Variants in GUCY2C observed in about 807,000 individuals in gnomAD.
GUCY2C encodes guanylyl cyclase C.
A neutral mutation model predicts 131.1 loss-of-function variants in GUCY2C; 118 were observed. That is an observed-to-expected ratio of 0.90 (90% CI 0.78 to 1.05). The LOEUF (loss-of-function observed/expected upper bound fraction) is 1.05. GUCY2C is among the 50% of genes least tolerant of loss of function. The pLI, the probability that GUCY2C is intolerant of heterozygous loss-of-function variation, is 0.00. For synonymous variants in GUCY2C, 452 were observed against 457.8 expected, an observed-to-expected ratio of 0.99 and a Z score of 0.16; for missense variants, 1,161 against 1,304.4, an observed-to-expected ratio of 0.89 and a Z score of 1.69.
intron 14 of GUCY2C, 53 bp downstream of exon 14, chr12:14,651,906 A>G: frequency 1.1e-6 from 1 of 949,882 alleles, no homozygotes; most frequent in Non-Finnish European, 1.7e-6. Flanking sequence ...CTCAGTGATT[A>G]GAGGAAATGA....
At chr12:14,692,274 A>G (rs1948588502) in intron 1 of GUCY2C, among the ~76,000 whole-genome samples, 1 of 152,256 alleles carries the variant, frequency 6.6e-6, no homozygotes. Context: ...AGAAGCCAAT[A>G]TGAGAATATA....
intron 1 of GUCY2C, among the ~76,000 whole-genome samples, chr12:14,690,264 A>T (rs1948551058): frequency 6.6e-6 from 1 of 152,202 alleles, no homozygotes; most frequent in Non-Finnish European, 1.5e-5. Flanking sequence ...TACTGACCAG[A>T]ACACCACTCC....
In GUCY2C at chr12:14,645,060, C is replaced by T. The variant is rs112670873; in HGVS notation, c.1797+169G>A. Among the ~76,000 whole-genome samples the T allele has an allele frequency of 6.4e-4, 98 of 152,218 alleles. 2 individuals are homozygous for T. Among genetic ancestry groups the T allele is most frequent in the African/African-American group, 2.3e-3 (94 of 41,542 alleles). On this transcript the variant is annotated intron_variant, in intron 16 of 26. Coordinates refer to ENST00000261170, the MANE Select transcript of GUCY2C (RefSeq NM_004963.4). ...CTTGTACCTGGTCTTGTTATAAGCA[C>T]GTGCATTATTTCACAAAATCCTCAT... is the stretch of plus-strand genomic sequence containing the variant.
intron 21 of GUCY2C, among the ~76,000 whole-genome samples, chr12:14,622,413 C>G (rs1029238210): frequency 1.3e-5 from 2 of 152,178 alleles, no homozygotes; most frequent in African/African-American, 4.8e-5. Flanking sequence ...CAGATGAATA[C>G]AAGCAGGTTC....
In GUCY2C at chr12:14,625,764, G is replaced by A; in HGVS notation, c.2401C>T (p.Leu801Phe). 1 of 1,613,762 alleles carries A rather than the reference G, an allele frequency of 6.2e-7. No homozygotes were observed. Among genetic ancestry groups the A allele is most frequent in the Non-Finnish European group, 8.5e-7 (1 of 1,179,790 alleles). Residue 801 changes from leucine to phenylalanine, a missense_variant, in exon 21 of 27, where the codon CTT becomes TTT. Physicochemically the swap from Leu to Phe is conservative, Grantham distance 22. Coordinates refer to ENST00000261170, the MANE Select transcript of GUCY2C (RefSeq NM_004963.4). ...DRADRLNFML[L>F]PRLVVKSLKE... is the part of the protein sequence containing the mutation. Reference sequence around the variant, plus strand: ...CAGCAAGGCTTGCCTTACCTTGGAAGCAACATAAAGTTAAGTCTGTCAGCC... The same window carrying A: ...CAGCAAGGCTTGCCTTACCTTGGAAACAACATAAAGTTAAGTCTGTCAGCC...
Position 14,619,249 on chromosome 12 carries a change from G to C in GUCY2C, c.2837C>G (p.Thr946Arg), listed in dbSNP as rs370411745. Residue 946 changes from threonine to arginine, a missense_variant, in exon 24 of 27, where the codon ACG becomes AGG. Transcript: ENST00000261170. The part of the protein sequence containing the change: ...KMPRYCLFGD[T>R]VNTASRMEST... ...TTCCATCCTAGAGGCTGTGTTGACC[G>C]TATCTCCAAATAGACAATAACGAGG... 6.2e-6 allele frequency: 10 copies of C among 1,611,528 alleles called. No individual in the cohort carries two copies. In the African/African-American group the frequency reaches 1.2e-4, roughly 19 times the overall value.
At chr12:14,678,441 C>G (rs1405592736) in intron 6 of GUCY2C, among the ~76,000 whole-genome samples, 1 of 152,198 alleles carries the variant, frequency 6.6e-6, no homozygotes, top group Non-Finnish European at 1.5e-5. Context: ...TTATACCAAC[C>G]TGGCTACAGT....
intron 19 of GUCY2C, among the ~76,000 whole-genome samples, chr12:14,631,590 A>G (rs888537071): frequency 6.6e-6 from 1 of 151,392 alleles, no homozygotes; most frequent in Non-Finnish European, 1.5e-5. Context: ...ATAGTATTCC[A>G]TGGTGTATAT....
At chr12:14,690,001 CA>C (rs1948546864) in intron 1 of GUCY2C, among the ~76,000 whole-genome samples, 1 of 152,178 alleles carries the variant, frequency 6.6e-6, no homozygotes, top group Admixed American at 6.5e-5. Context: ...TCTTAGTAGA[CA>C]GGGAAGGAGA....
At chr12:14,627,514 CT>C (rs1947047696) in intron 20 of GUCY2C, among the ~76,000 whole-genome samples, 1 of 152,170 alleles carries the variant, frequency 6.6e-6, no homozygotes, top group Non-Finnish European at 1.5e-5. Flanking sequence ...AGTTGCTCAC[CT>C]TTGACTGCAT....
chr12:14,663,503 G>A (rs1366026806), intron 10 of GUCY2C, among the ~76,000 whole-genome samples: 1 of 152,106 alleles, frequency 6.6e-6, no homozygotes, highest in Non-Finnish European at 1.5e-5. Context: ...GGCTGGTCTC[G>A]AACTCCTGAC....
At chr12:14,675,293 GT>G (rs1358138341) in intron 7 of GUCY2C, among the ~76,000 whole-genome samples, 30 of 148,298 alleles carry the variant, frequency 2.0e-4, no homozygotes, top group Non-Finnish European at 4.0e-4. Flanking sequence ...ATGATCCCAT[GT>G]CACAATTCTG....
chr12:14,664,431 C>T (rs1245012288), intron 10 of GUCY2C, among the ~76,000 whole-genome samples: 2 of 151,992 alleles, frequency 1.3e-5, no homozygotes, highest in Non-Finnish European at 2.9e-5. Flanking sequence ...ACTCCTCAGC[C>T]CACCTCAATT....
chr12:14,696,125 C>A, intron 1 of GUCY2C, 107 bp downstream of exon 1: 1 of 852,424 alleles, frequency 1.2e-6, no homozygotes, highest in Admixed American at 2.0e-5. Flanking sequence ...TAGGGACAGT[C>A]CTTAGAGAAA....
At position 14,674,694 on chromosome 12, in the gene GUCY2C, A is replaced by T. The variant is rs2137077229; in HGVS notation, c.1015T>A (p.Phe339Ile). The T allele has an allele frequency of 3.1e-6, 5 of 1,611,990 alleles. No individual in the cohort carries two copies. Among genetic ancestry groups the T allele is most frequent in the Non-Finnish European group, 4.2e-6 (5 of 1,178,208 alleles). The change falls in exon 8 of 27, where the codon TTT (phenylalanine) becomes ATT (isoleucine). Residue 339 changes from phenylalanine to isoleucine, a missense_variant. By Grantham distance (21) the Phe-to-Ile change is conservative. Coordinates refer to ENST00000261170, the MANE Select transcript of GUCY2C (RefSeq NM_004963.4). Reference sequence around the variant, plus strand: ...GTAATATTTTCTCCATTTTCAAGAAATATCTTCAGCATATGTCCAAAGAGC... The same window carrying T: ...GTAATATTTTCTCCATTTTCAAGAATTATCTTCAGCATATGTCCAAAGAGC... The part of the protein sequence containing the change: ...ILLFGHMLKI[F>I]LENGENITTP...
chr12:14,622,120 T>A lies in GUCY2C; in HGVS notation c.2486A>T (p.Asp829Val). The change falls in exon 22 of 27, where the codon GAC becomes GTC. Residue 829 changes from aspartate to valine, a missense_variant. Asp to Val is a radical substitution (Grantham distance 152). Coordinates refer to ENST00000261170, the MANE Select transcript of GUCY2C (RefSeq NM_004963.4). Reference sequence around the variant, plus strand: ...GCAGATAGTAGTGAAACCTACAATGTCACTGAAGTAGATTGTAACTTCCTC... The same window carrying A: ...GCAGATAGTAGTGAAACCTACAATGACACTGAAGTAGATTGTAACTTCCTC... ...LYEEVTIYFSDIVGFTTICKY... is the reference protein window; with the variant it reads ...LYEEVTIYFSVIVGFTTICKY... The A allele has an allele frequency of 6.2e-7, 1 of 1,608,050 alleles. No individual in the cohort carries two copies.
In GUCY2C at chr12:14,645,241, A is replaced by T. The variant is rs1164673592; in HGVS notation, c.1785T>A (p.Tyr595Ter). ...MDWEFKISVL[Y>*]DIAKGMSYLH... ...GTGTTTCTCTTACCTTAGCAATGTC[A>T]TACAAGACAGAGATCTTAAACTCCC... The change falls in exon 16 of 27, where the codon TAT becomes TAA. Residue 595 changes from tyrosine (Y) to a stop codon, truncating the protein, a stop_gained. Transcript: ENST00000261170. LOFTEE classifies it high-confidence loss of function. 5 of 1,560,806 alleles carry T rather than the reference A, an allele frequency of 3.2e-6. No homozygotes were observed. Among genetic ancestry groups the T allele is most frequent in the African/African-American group, 1.4e-5 (1 of 73,876 alleles).
intron 19 of GUCY2C, among the ~76,000 whole-genome samples, chr12:14,634,483 G>C (rs1265022270): frequency 1.3e-5 from 2 of 152,152 alleles, no homozygotes; most frequent in Admixed American, 1.3e-4. Flanking sequence ...AAAGAGGGAA[G>C]AGAAGGGTCT....
At chr12:14,679,837 C>A in intron 5 of GUCY2C, 84 bp from the exon 6 acceptor site, 1 of 726,432 alleles carries the variant, frequency 1.4e-6, no homozygotes. Flanking sequence ...GAATTTGAAT[C>A]CAGTATGTTA....
Sources: allele counts gnomAD v4.1 joint callset (sites outside exome capture counted in the v4.1 genomes callset), GRCh38; gene constraint gnomAD v4.1.1; transcripts MANE v1.5; gene names NCBI Gene and HGNC (gene_info 2026-07-23, HGNC 2026-07-21).